FSIP2: variants seen among roughly 807,000 people sequenced by gnomAD.
FSIP2 encodes the protein fibrous sheath interacting protein 2, also known as fibrous sheath-interacting protein 2.
In FSIP2, 367 loss-of-function variants were observed where a neutral mutation model predicts 510.5. The ratio of observed to expected loss-of-function variants is 0.72; its 90% CI spans 0.66 to 0.78. The LOEUF is 0.78. Among genes scored for constraint, FSIP2 ranks in the 30% least tolerant of loss-of-function variants. The pLI is 0.00. For synonymous variants in FSIP2, 2,601 were observed against 2,732.2 expected (o/e 0.95, Z 1.50); for missense variants, 7,594 against 7,901.7 (o/e 0.96, Z 1.48).
Position 185,807,343 on chromosome 2 carries a change from T to C in FSIP2, c.18037T>C (p.Leu6013=). 2 of 1,610,768 alleles carry C rather than the reference T, an allele frequency of 1.2e-6. No homozygotes were observed. The highest frequency in any genetic ancestry group is 1.7e-6 in the Non-Finnish European group (2 of 1,178,822). Residue 6013 remains leucine (L), a synonymous_variant, in exon 17 of 23, where the codon TTG becomes CTG. Transcript: ENST00000424728. ...PYTIILPHKF[L]ENVISALFSK... is the part of the protein sequence containing the mutation. ...TACAATAATATTACCTCATAAATTT[T>C]TGGAGAATGTGATTTCTGCTCTTTT... is the stretch of plus-strand genomic sequence containing the variant.
chr2:185,757,867 G>C (rs1692272521), intron 9 of FSIP2, among the ~76,000 whole-genome samples: 2 of 151,154 alleles, frequency 1.3e-5, no homozygotes, highest in African/African-American at 4.8e-5. Context: ...GTATAGATTT[G>C]TGTAACCAAT....
chr2:185,824,144 T>C (rs1693972944), intron 19 of FSIP2, among the ~76,000 whole-genome samples: 1 of 151,958 alleles, frequency 6.6e-6, no homozygotes, highest in East Asian at 2.0e-4. Context: ...TGAAAAAAGT[T>C]CTGGAGCTGG....
At chr2:185,778,045 T>C (rs1281724832) in intron 13 of FSIP2, among the ~76,000 whole-genome samples, 1 of 152,108 alleles carries the variant, frequency 6.6e-6, no homozygotes, top group Non-Finnish European at 1.5e-5. Flanking sequence ...ACTATTTTTC[T>C]TCTTTTTGAG....
chr2:185,819,366 T>C (rs1242930625), intron 19 of FSIP2, among the ~76,000 whole-genome samples: 2 of 151,882 alleles, frequency 1.3e-5, no homozygotes, highest in Non-Finnish European at 1.5e-5. Flanking sequence ...AAAGTATAAA[T>C]GGGTTAAACA....
Position 185,746,588 on chromosome 2 carries a change from G to A in FSIP2, c.618-81G>A, listed in dbSNP as rs887540921. On this transcript the variant is annotated intron_variant, in intron 5 of 22. Coordinates refer to ENST00000424728, the MANE Select transcript of FSIP2 (RefSeq NM_173651.4). ...GAAATGAAAGGCAAGCAAGGAAGTG[G>A]TTTGGGAATGGCATAGCAGATGATG... 1.4e-5 allele frequency: 15 copies of A among 1,079,130 alleles called. No homozygotes were observed. The African/African-American group carries it at 1.9e-4, about 14-fold the overall frequency. 66.8% of individuals were successfully genotyped at this position (1,079,130 alleles called of 1,614,324 possible).
rs764547277 is a variant in FSIP2, at chr2:185,789,369, T to C, written c.2233T>C (p.Leu745=). The stretch of plus-strand genomic sequence containing the variant: ...ACAATGTGAACGTGAAAAAGAAATC[T>C]TGCTTTCCAATGCTCATATTCCCTC... ...VEQCEREKEI[L]LSNAHIPSVA... The change falls in exon 16 of 23, where the codon TTG becomes CTG. Residue 745 remains leucine, a synonymous_variant. Transcript: ENST00000424728. 1 of 1,534,956 alleles carries C rather than the reference T, an allele frequency of 6.5e-7. No individual in the cohort carries two copies. Among genetic ancestry groups the C allele is most frequent in the African/African-American group, 1.4e-5 (1 of 72,950 alleles).
At position 185,804,347 on chromosome 2, in the gene FSIP2, C is replaced by T. The variant is rs1357585816; in HGVS notation, c.15041C>T (p.Ser5014Leu). ...ADNFDKNLCF[S>L]ERYKEMVQKI... is the part of the protein sequence containing the mutation. ...AACTTTGATAAAAATTTGTGTTTCT[C>T]AGAAAGATACAAAGAAATGGTTCAA... Residue 5014 changes from serine to leucine, a missense_variant, in exon 17 of 23, where the codon TCA becomes TTA. Coordinates refer to ENST00000424728, the MANE Select transcript of FSIP2 (RefSeq NM_173651.4). 1.3e-6 allele frequency: 2 copies of T among 1,503,796 alleles called. No individual in the cohort carries two copies. The highest frequency in any genetic ancestry group is 8.8e-7 in the Non-Finnish European group (1 of 1,133,846). 93.2% of individuals were successfully genotyped at this position (1,503,796 alleles called of 1,614,324 possible).
In FSIP2 at chr2:185,831,827, T is replaced by C; in HGVS notation, c.20532T>C (p.Phe6844=). The C allele has an allele frequency of 6.2e-7, 1 of 1,608,700 alleles. No individual in the cohort carries two copies. Among genetic ancestry groups the C allele is most frequent in the South Asian group, 1.1e-5 (1 of 90,942 alleles). ...TACCTTGGCAGTTTATCACCATCTT[T>C]GAAAGATCCAAGGATGTTCTTGGCA... is the stretch of plus-strand genomic sequence containing the variant. ...HGNSVKFITI[F]ERSKDVLGSA... The change falls in exon 22 of 23, where the codon TTT becomes TTC. Residue 6844 remains phenylalanine, a synonymous_variant. Transcript: ENST00000424728.
chr2:185,741,990 T>C (rs749648086), intron 2 of FSIP2, among the ~76,000 whole-genome samples: 3 of 152,154 alleles, frequency 2.0e-5, no homozygotes, highest in Non-Finnish European at 4.4e-5. Flanking sequence ...ATGTCGGGAT[T>C]GGTGCTTAGT....
In FSIP2 at chr2:185,803,902, T is replaced by C; in HGVS notation, c.14596T>C (p.Ser4866Pro). The change falls in exon 17 of 23, where the codon TCC becomes CCC. Residue 4866 changes from serine (S) to proline (P), a missense_variant. Coordinates refer to ENST00000424728, the MANE Select transcript of FSIP2 (RefSeq NM_173651.4). ...AAAAGATATCCAGTCTATGGTTGAT[T>C]CCATTTATGCTGATCTTTCTCATTC... Reference protein sequence around the residue: ...SAKDIQSMVDSIYADLSHSNI... With the variant: ...SAKDIQSMVDPIYADLSHSNI... The C allele has an allele frequency of 6.6e-7, 1 of 1,526,426 alleles. No individual in the cohort carries two copies. Among genetic ancestry groups the C allele is most frequent in the East Asian group, 2.5e-5 (1 of 40,690 alleles). The allele number at this position is 1,526,426 out of a possible 1,614,324, so 94.6% of individuals were successfully genotyped here.
chr2:185,737,718 G>C (rs1691813076), upstream of FSIP2, among the ~76,000 whole-genome samples: 1 of 152,120 alleles, frequency 6.6e-6, no homozygotes, highest in Non-Finnish European at 1.5e-5. Flanking sequence ...TGTGTGTTGA[G>C]ATTTGAGTAG....
Position 185,800,282 on chromosome 2 carries a change from T to C in FSIP2, c.10976T>C (p.Phe3659Ser), listed in dbSNP as rs1274508108. 1 of 1,534,126 alleles carries C rather than the reference T, an allele frequency of 6.5e-7. No individual in the cohort carries two copies. The highest frequency in any genetic ancestry group is 1.4e-5 in the African/African-American group (1 of 72,956). ...CAGGCAAGCCCCAGAGACTGGCAAT[T>C]TTCTACTCAACAAATTGGTCAACTT... ...NRQASPRDWQ[F>S]STQQIGQLFQ... The change falls in exon 17 of 23, where the codon TTT (phenylalanine) becomes TCT (serine). Residue 3659 changes from phenylalanine to serine, a missense_variant. Physicochemically the swap from Phe to Ser is radical, Grantham distance 155. Coordinates refer to ENST00000424728, the MANE Select transcript of FSIP2 (RefSeq NM_173651.4).
chr2:185,761,265 A>C (rs886240211), intron 10 of FSIP2, among the ~76,000 whole-genome samples, 162 bp downstream of exon 10: 2 of 151,210 alleles, frequency 1.3e-5, no homozygotes, highest in Non-Finnish European at 3.0e-5. Context: ...AAAAGTGTTA[A>C]GTTAGCTTTG....
chr2:185,786,748 C>T (rs772049479), intron 15 of FSIP2, among the ~76,000 whole-genome samples: 2 of 151,816 alleles, frequency 1.3e-5, no homozygotes, highest in South Asian at 2.1e-4. Flanking sequence ...AAGATAAGAT[C>T]GTGTATTTTT....
chr2:185,753,690 T>G, intron 7 of FSIP2, 32 bp from the exon 8 acceptor site: 1 of 920,950 alleles, frequency 1.1e-6, no homozygotes, highest in East Asian at 2.8e-5. Flanking sequence ...GGCAAGTTAA[T>G]ATTAACCAAT....
intron 7 of FSIP2, among the ~76,000 whole-genome samples, chr2:185,752,463 G>A (rs977733688): frequency 6.6e-6 from 1 of 150,754 alleles, no homozygotes; most frequent in Non-Finnish European, 1.5e-5. Context: ...GTGGGTTTAC[G>A]GTTTTCATCA....
In FSIP2 at chr2:185,743,147, T is replaced by G; in HGVS notation, c.240T>G (p.Ser80=). ...TGTGTTTGCAGCTTTTTCGACCTTC[T>G]TATGGTTTTAACCTGACTGATCCCT... ...TNFGEKLFRP[S]YGFNLTDPYC... is the part of the protein sequence containing the mutation. The change falls in exon 3 of 23, where the codon TCT becomes TCG. Residue 80 remains serine (S), a synonymous_variant. Transcript: ENST00000424728. The G allele has an allele frequency of 6.7e-7, 1 of 1,488,548 alleles. No homozygotes were observed. The highest frequency in any genetic ancestry group is 8.8e-7 in the Non-Finnish European group (1 of 1,130,792). The allele number at this position is 1,488,548 out of a possible 1,614,324, so 92.2% of individuals were successfully genotyped here.
chr2:185,793,567 A>G lies in FSIP2; in HGVS notation c.6431A>G (p.Lys2144Arg), dbSNP rs768483092. 2.3e-5 allele frequency: 35 copies of G among 1,534,214 alleles called. No individual in the cohort carries two copies. The African/African-American group carries it at 4.4e-4, about 19-fold the overall frequency. The change falls in exon 16 of 23, where the codon AAG becomes AGG. Residue 2144 changes from lysine to arginine, a missense_variant. Physicochemically the swap from Lys to Arg is conservative, Grantham distance 26. Coordinates refer to ENST00000424728, the MANE Select transcript of FSIP2 (RefSeq NM_173651.4). ...GAGGGTGCAAATAAGATTATTCCTA[A>G]GCTTTCAGTTCCTAAATCAGATGTC... Reference protein sequence around the residue: ...FMEGANKIIPKLSVPKSDVIL... With the variant: ...FMEGANKIIPRLSVPKSDVIL...
At chr2:185,777,239 CCTT>C (rs1692745299) in intron 13 of FSIP2, among the ~76,000 whole-genome samples, 1 of 152,008 alleles carries the variant, frequency 6.6e-6, no homozygotes, top group Non-Finnish European at 1.5e-5. Context: ...GGTAGAGAGA[CCTT>C]CTTTTTTTCT....
Sources: gnomAD v4.1 joint callset for allele counts (sites outside exome capture counted in the v4.1 genomes callset) on GRCh38, gnomAD v4.1.1 for gene constraint, MANE v1.5 for transcripts, NCBI Gene and HGNC (gene_info 2026-07-23, HGNC 2026-07-21) for gene names.